Variants in STXBP6 observed in about 807,000 individuals in gnomAD.
The protein encoded by STXBP6 is syntaxin binding protein 6, also known as syntaxin-binding protein 6.
A neutral mutation model predicts 26.9 loss-of-function variants in STXBP6; 21 were observed. That is an observed-to-expected ratio of 0.78 (90% confidence interval 0.55 to 1.12). The LOEUF is 1.12. STXBP6 is among the 50% of genes most tolerant of loss of function. The pLI is 0.00. For synonymous variants in STXBP6, 97 were observed against 92.6 expected (o/e 1.05, Z -0.27); for missense variants, 232 against 257.9 (o/e 0.90, Z 0.69).
intron 5 of STXBP6, chr14:24,816,216 T>G (rs2067970593): frequency 6.6e-6 from 1 of 152,234 alleles, no homozygotes; most frequent in South Asian, 2.1e-4. Context: ...AAGCACAGCT[T>G]ACTCCTTCTG....
chr14:24,999,452 C>T (rs1206061480), intron 1 of STXBP6, among the ~76,000 whole-genome samples: 1 of 152,060 alleles, frequency 6.6e-6, no homozygotes, highest in Non-Finnish European at 1.5e-5. Flanking sequence ...ATTGATTGTC[C>T]ATGCTATTAT....
At chr14:24,924,590 C>T (rs1595120291) in intron 2 of STXBP6, among the ~76,000 whole-genome samples, 1 of 152,090 alleles carries the variant, frequency 6.6e-6, no homozygotes, top group Non-Finnish European at 1.5e-5. Flanking sequence ...GAATAAGAAT[C>T]GTTTGGTGCC....
At chr14:25,045,404 T>A (rs2075709712) in intron 1 of STXBP6, among the ~76,000 whole-genome samples, 1 of 152,038 alleles carries the variant, frequency 6.6e-6, no homozygotes, top group Non-Finnish European at 1.5e-5. Context: ...ACCCAACATA[T>A]TCTCGGAACT....
intron 2 of STXBP6, among the ~76,000 whole-genome samples, chr14:24,872,139 A>G (rs568807044): frequency 2.1e-4 from 32 of 152,240 alleles, no homozygotes; most frequent in African/African-American, 7.5e-4. Flanking sequence ...TTACTTTTTC[A>G]AACAGAAATT....
chr14:24,855,858 CT>C lies in STXBP6; in HGVS notation c.451+77del, dbSNP rs539012322. 2.5e-4 allele frequency: 344 copies of C among 1,382,522 alleles called. 6 individuals carry two copies. The Admixed American group carries it at 7.5e-3, about 30-fold the overall frequency. The allele number at this position is 1,382,522 out of a possible 1,614,324, so 85.6% of individuals were successfully genotyped here. On this transcript the variant is annotated intron_variant, in intron 4 of 5. Transcript: ENST00000323944. ...TCTCCTGTTTTTGTCTTTAATTATG[CT>C]GCTGAACTCCTAACTTCTTAAGTAA...
At chr14:24,922,043 T>C (rs745911025) in intron 2 of STXBP6, among the ~76,000 whole-genome samples, 18 of 152,032 alleles carry the variant, frequency 1.2e-4, no homozygotes, top group African/African-American at 4.1e-4. Context: ...CCGAGACTCC[T>C]GTCATCTTCC....
intron 2 of STXBP6, among the ~76,000 whole-genome samples, chr14:24,906,624 G>A (rs1407666407): frequency 1.3e-5 from 2 of 152,126 alleles, no homozygotes; most frequent in East Asian, 1.9e-4. Flanking sequence ...AATGCGACAT[G>A]CATAACAAAT....
chr14:24,869,029 C>T (rs1313368382), intron 2 of STXBP6, among the ~76,000 whole-genome samples: 1 of 152,184 alleles, frequency 6.6e-6, no homozygotes, highest in Middle Eastern at 3.2e-3. Flanking sequence ...CTGCAAATAA[C>T]CTGAAAATGT....
intron 2 of STXBP6, among the ~76,000 whole-genome samples, chr14:24,874,054 T>G (rs981983460): frequency 6.6e-6 from 1 of 152,184 alleles, no homozygotes; most frequent in African/African-American, 2.4e-5. Context: ...CTAAAGTTAG[T>G]ATTCACTGAG....
chr14:24,901,441 A>G (rs1218817592), intron 2 of STXBP6, among the ~76,000 whole-genome samples: 1 of 152,188 alleles, frequency 6.6e-6, no homozygotes, highest in Admixed American at 6.5e-5. Context: ...AAATATTACA[A>G]CCACTGGGAA....
At chr14:24,994,067 C>T (rs967456381) in intron 1 of STXBP6, among the ~76,000 whole-genome samples, 2 of 152,182 alleles carry the variant, frequency 1.3e-5, no homozygotes, top group African/African-American at 4.8e-5. Flanking sequence ...CCCAGGTCCC[C>T]AGTTCCCTAT....
chr14:24,926,683 G>A (rs865858882), intron 2 of STXBP6, among the ~76,000 whole-genome samples: 2 of 152,194 alleles, frequency 1.3e-5, no homozygotes, highest in South Asian at 2.1e-4. Flanking sequence ...GTAGATTGGC[G>A]AGTGTAGCAT....
intron 2 of STXBP6, among the ~76,000 whole-genome samples, chr14:24,968,170 AATATATATAT>A (rs72223372): frequency 2.1e-5 from 3 of 144,350 alleles, no homozygotes; most frequent in Non-Finnish European, 4.5e-5. Context: ...TATAATAAAG[AATATATATAT>A]ATATATATAT....
At chr14:24,915,772 C>G (rs1374633354) in intron 2 of STXBP6, among the ~76,000 whole-genome samples, 3 of 152,106 alleles carry the variant, frequency 2.0e-5, no homozygotes, top group African/African-American at 7.2e-5. Flanking sequence ...ATCAATCAAT[C>G]AATCACTCCC....
At chr14:25,013,391 A>T (rs1215935242) in intron 1 of STXBP6, among the ~76,000 whole-genome samples, 1 of 151,944 alleles carries the variant, frequency 6.6e-6, no homozygotes, top group Admixed American at 6.6e-5. Context: ...ATTGACATGA[A>T]ATAACATTTT....
In STXBP6 at chr14:25,049,317, G is replaced by A. The variant is rs1359014433; in HGVS notation, c.-33+561C>T. ...GACCAAGCCTGAGATCGGAAAGGGG[G>A]CATCGCCCAGGGCCAGCGCCCTGGG... On this transcript the variant is annotated intron_variant, in intron 1 of 5. Coordinates refer to ENST00000323944, the MANE Select transcript of STXBP6 (RefSeq NM_001394410.1). This position sits in a 1 kb window ranked among gnomAD's most constrained non-coding sequence, Gnocchi z 5.6. The A allele has an allele frequency of 2.0e-6, 2 of 985,436 alleles. No individual in the cohort carries two copies. Among genetic ancestry groups the A allele is most frequent in the African/African-American group, 1.7e-5 (1 of 57,358 alleles). The allele number at this position is 985,436 out of a possible 1,614,324, so 61.0% of individuals were successfully genotyped here. A position where few individuals can be genotyped will look rare whatever the true frequency, so the allele number is the denominator to read the frequency against.
chr14:25,048,403 A>T (rs954820208), intron 1 of STXBP6, among the ~76,000 whole-genome samples: 1 of 152,220 alleles, frequency 6.6e-6, no homozygotes, highest in Non-Finnish European at 1.5e-5. Flanking sequence ...TCAGCTGTAA[A>T]GCTGAAACTT....
chr14:25,039,281 AG>A (rs1427460682), intron 1 of STXBP6, among the ~76,000 whole-genome samples: 1 of 152,232 alleles, frequency 6.6e-6, no homozygotes, highest in Non-Finnish European at 1.5e-5. Context: ...CAACTCAAAC[AG>A]GAAGTTATTA....
Position 25,042,428 on chromosome 14 carries a change from C to T in STXBP6, c.-33+7450G>A, listed in dbSNP as rs543612101. Among the ~76,000 whole-genome samples, 7 of 152,284 alleles carry T rather than the reference C, an allele frequency of 4.6e-5. No individual in the cohort carries two copies. The South Asian group carries it at 1.5e-3, about 32-fold the overall frequency. On this transcript the variant is annotated intron_variant, in intron 1 of 5. Coordinates refer to ENST00000323944, the MANE Select transcript of STXBP6 (RefSeq NM_001394410.1). Reference sequence around the variant, plus strand: ...CCAGTCATGTATTTTGTTCCTTACTCCTTACCACAGAATTCTTGATCTTTG... The same window carrying T: ...CCAGTCATGTATTTTGTTCCTTACTTCTTACCACAGAATTCTTGATCTTTG...
Sources: allele counts gnomAD v4.1 joint callset (sites outside exome capture counted in the v4.1 genomes callset), GRCh38; gene constraint gnomAD v4.1.1; non-coding constraint Gnocchi (gnomAD v3.1); transcripts MANE v1.5; gene names NCBI Gene and HGNC (gene_info 2026-07-23, HGNC 2026-07-21).